The following RND3 variants were observed in gnomAD, a reference collection of about 807,000 sequenced individuals.
RND3 encodes the protein rho-related GTP-binding protein RhoE.
RND3 carries 8 observed loss-of-function variants against 26.5 expected under a neutral mutation model. The observed-to-expected ratio is 0.30, with a 90% CI of 0.18 to 0.54. The LOEUF is 0.54. Among genes scored for constraint, RND3 ranks in the 20% least tolerant of loss-of-function variants. The pLI is 0.94. For missense variants in RND3, 207 were observed against 302.8 expected (o/e 0.68, Z 2.35); for synonymous variants, 113 against 113.0 (o/e 1.00, Z 0.00).
chr2:150,472,007 T>C (rs1037445611), intron 4 of RND3: 8 of 415,184 alleles, frequency 1.9e-5, no homozygotes. Context: ...GTGACTCATC[T>C]GTTGCTACTG....
In RND3 at chr2:150,479,316, A is replaced by G. The variant is rs532774074; in HGVS notation, c.239-4332T>C. ...CCCTTTCGCAAATATAGAACACACC[A>G]TATATGTACATAATTAAATGTATAT... On this transcript the variant is annotated intron_variant, in intron 3 of 5. Transcript: ENST00000263895. Among the ~76,000 whole-genome samples, 40 of 152,280 alleles carry G rather than the reference A, an allele frequency of 2.6e-4. 3 individuals carry two copies. In the South Asian group the frequency reaches 7.7e-3, roughly 29 times the overall value.
chr2:150,470,347 A>G, intron 5 of RND3, 109 bp from the exon 6 acceptor site: 1 of 1,217,844 alleles, frequency 8.2e-7, no homozygotes, highest in Non-Finnish European at 1.1e-6. Flanking sequence ...GTTTGCTGAT[A>G]TGTTAACTGA....
At chr2:150,485,028 G>A (rs1455062991) in intron 3 of RND3, among the ~76,000 whole-genome samples, 2 of 152,198 alleles carry the variant, frequency 1.3e-5, no homozygotes, top group Non-Finnish European at 2.9e-5. Context: ...GTACCAGGCT[G>A]TAAAATAATT....
rs544618344 is a variant in RND3 at position 150,469,894 on chromosome 2, C to A, written c.*93G>T. 2 of 1,457,418 alleles carry A rather than the reference C, an allele frequency of 1.4e-6. No homozygotes were observed. Among genetic ancestry groups the A allele is most frequent in the African/African-American group, 1.4e-5 (1 of 71,046 alleles). The allele number at this position is 1,457,418 out of a possible 1,614,324, so 90.3% of individuals were successfully genotyped here. A position where few individuals can be genotyped will look rare whatever the true frequency, so the allele number is the denominator to read the frequency against. On this transcript the variant is annotated 3_prime_UTR_variant, in exon 6 of 6. Coordinates refer to ENST00000263895, the MANE Select transcript of RND3 (RefSeq NM_005168.5). ...CCTCCTAAGCCTCTGGTATACATGA[C>A]TTTGGCTGTGCACTTCATTTAGACT...
chr2:150,486,668 G>A lies in RND3; in HGVS notation c.238+26C>T, dbSNP rs1205421424. On this transcript the variant is annotated intron_variant, in intron 3 of 5. Transcript: ENST00000263895. This position sits in a 1 kb window ranked among gnomAD's most constrained non-coding sequence, Gnocchi z 4.5. ...CCCAGCGACTGGAAACCCGCCCCAA[G>A]CGCCACGCGGTCCTCCCACTCTTAC... The A allele has an allele frequency of 1.3e-6, 2 of 1,532,524 alleles. No homozygotes were observed. Among genetic ancestry groups the A allele is most frequent in the Admixed American group, 3.3e-5 (2 of 59,908 alleles). 94.9% of individuals were successfully genotyped at this position (1,532,524 alleles called of 1,614,324 possible).
chr2:150,474,846 G>A (rs1193262159), intron 4 of RND3, 29 bp downstream of exon 4: 3 of 1,268,258 alleles, frequency 2.4e-6, no homozygotes, highest in Admixed American at 1.7e-5. Context: ...ACCCAGTACT[G>A]AAGTGTGTCA....
At chr2:150,480,708 G>GC (rs1686257221) in intron 3 of RND3, among the ~76,000 whole-genome samples, 1 of 151,788 alleles carries the variant, frequency 6.6e-6, no homozygotes, top group Non-Finnish European at 1.5e-5. Flanking sequence ...CATTCATACT[G>GC]CCCCCTCCCC....
rs770483651 is a variant in RND3, at chr2:150,487,458, TAAG to T, written c.-38-6_-38-4del. 5 of 877,426 alleles carry T rather than the reference TAAG, an allele frequency of 5.7e-6. No homozygotes were observed. The highest frequency in any genetic ancestry group is 3.0e-6 in the Non-Finnish European group (2 of 669,436). The allele number at this position is 877,426 out of a possible 1,614,324, so 54.4% of individuals were successfully genotyped here. ...TTCTCTTGGAACAGGAATTTTCTCT[TAAG>T]AAGAAAAAAAAAAATATATATATAT... On this transcript the variant is annotated splice_region_variant and splice_polypyrimidine_tract_variant and intron_variant, in intron 1 of 5. Coordinates refer to ENST00000263895, the MANE Select transcript of RND3 (RefSeq NM_005168.5).
chr2:150,487,149 C>CTT (rs144401566), intron 2 of RND3, 119 bp downstream of exon 2: 1,221 of 549,962 alleles, frequency 2.2e-3, no homozygotes, highest in Middle Eastern at 3.5e-3. Flanking sequence ...CCGAGAAAGA[C>CTT]TTTTTTTTTT....
chr2:150,478,867 A>G (rs1686217914), intron 3 of RND3, among the ~76,000 whole-genome samples: 1 of 152,194 alleles, frequency 6.6e-6, no homozygotes, highest in African/African-American at 2.4e-5. Context: ...CTTCATGCAT[A>G]TGGAAATTCT....
chr2:150,479,014 A>G lies in RND3; in HGVS notation c.239-4030T>C, dbSNP rs146645181. On this transcript the variant is annotated intron_variant, in intron 3 of 5. Transcript: ENST00000263895. ...TATATTGTAAAGAAACAACTACACT[A>G]TATATGCAAAATGTGTACCCCGCTC... Among the ~76,000 whole-genome samples, 518 of 148,720 alleles carry G rather than the reference A, an allele frequency of 3.5e-3. 5 individuals carry two copies. Among genetic ancestry groups the G allele is most frequent in the African/African-American group, 0.011 (462 of 41,248 alleles).
Position 150,469,090 on chromosome 2 carries a change from G to C in RND3, c.*897C>G, listed in dbSNP as rs944863161. 1.3e-5 allele frequency: 2 copies of C among 152,436 alleles called. No individual in the cohort carries two copies. Among genetic ancestry groups the C allele is most frequent in the African/African-American group, 2.4e-5 (1 of 41,386 alleles). The allele number at this position is 152,436 out of a possible 1,614,324, so 9.4% of individuals were successfully genotyped here. A position where few individuals can be genotyped will look rare whatever the true frequency, so the allele number is the denominator to read the frequency against. On this transcript the variant is annotated 3_prime_UTR_variant, in exon 6 of 6. Coordinates refer to ENST00000263895, the MANE Select transcript of RND3 (RefSeq NM_005168.5). ...TTTCCTTCACTCATTACCTTTTCTG[G>C]TGAAAACAGTAACTACCTTTTTTCT... is the stretch of plus-strand genomic sequence containing the variant.
Position 150,486,863 on chromosome 2 carries a change from T to G in RND3, c.151-82A>C. 1 of 936,092 alleles carries G rather than the reference T, an allele frequency of 1.1e-6. No individual in the cohort carries two copies. Among genetic ancestry groups the G allele is most frequent in the Non-Finnish European group, 1.8e-6 (1 of 562,318 alleles). 58.0% of individuals were successfully genotyped at this position (936,092 alleles called of 1,614,324 possible). A position where few individuals can be genotyped will look rare whatever the true frequency, so the allele number is the denominator to read the frequency against. Reference sequence around the variant, plus strand: ...AACGCACGACACCCATTGAACACCCTTCCCCTCCCCGCTCCCCAGTTAAGA... The same window carrying G: ...AACGCACGACACCCATTGAACACCCGTCCCCTCCCCGCTCCCCAGTTAAGA... On this transcript the variant is annotated intron_variant, in intron 2 of 5. Coordinates refer to ENST00000263895, the MANE Select transcript of RND3 (RefSeq NM_005168.5). This position sits in a 1 kb window ranked among gnomAD's most constrained non-coding sequence, Gnocchi z 4.5.
intron 3 of RND3, among the ~76,000 whole-genome samples, chr2:150,482,735 G>T (rs9287849): frequency 5.2e-5 from 7 of 133,646 alleles, no homozygotes; most frequent in East Asian, 2.6e-4. Flanking sequence ...GGGTGGGGGG[G>T]GCGGTGCGGG....
chr2:150,484,795 G>A (rs1006276607), intron 3 of RND3, among the ~76,000 whole-genome samples: 4 of 152,120 alleles, frequency 2.6e-5, no homozygotes, highest in Non-Finnish European at 4.4e-5. Context: ...GAAATCCATG[G>A]TAACCAGGAG....
At chr2:150,482,623 G>A (rs908235255) in intron 3 of RND3, among the ~76,000 whole-genome samples, 3 of 148,022 alleles carry the variant, frequency 2.0e-5, no homozygotes, top group Non-Finnish European at 4.4e-5. Flanking sequence ...TTTTACAAAG[G>A]TTTTGTTTAC....
intron 3 of RND3, among the ~76,000 whole-genome samples, chr2:150,479,101 G>T (rs1053165633): frequency 7.9e-5 from 12 of 152,134 alleles, no homozygotes; most frequent in Non-Finnish European, 1.5e-4. Context: ...TACACTTGGG[G>T]TTCTCTGAGT....
intron 3 of RND3, among the ~76,000 whole-genome samples, chr2:150,481,363 G>T (rs2105221616): frequency 6.6e-6 from 1 of 152,278 alleles, no homozygotes; most frequent in African/African-American, 2.4e-5. Flanking sequence ...TGTCCTGTGG[G>T]TATTCAAAGA....
chr2:150,469,116 C>A lies in RND3; in HGVS notation c.*871G>T, dbSNP rs760675398. The A allele has an allele frequency of 6.6e-6, 1 of 152,536 alleles. No individual in the cohort carries two copies. The highest frequency in any genetic ancestry group is 1.5e-5 in the Non-Finnish European group (1 of 68,006). 9.4% of individuals were successfully genotyped at this position (152,536 alleles called of 1,614,324 possible). ...TGAAAACAGTAACTACCTTTTTTCT[C>A]TCCTTGGATCATTCTATGACATCAA... On this transcript the variant is annotated 3_prime_UTR_variant, in exon 6 of 6. Transcript: ENST00000263895.
Sources: gnomAD v4.1 joint callset for allele counts (sites outside exome capture counted in the v4.1 genomes callset) on GRCh38, gnomAD v4.1.1 for gene constraint, Gnocchi (gnomAD v3.1) non-coding constraint, MANE v1.5 for transcripts, NCBI Gene and HGNC (gene_info 2026-07-23, HGNC 2026-07-21) for gene names.